Variants in CELF2 observed in about 807,000 individuals in gnomAD.
The protein encoded by CELF2 is CUGBP Elav-like family member 2, also known as CUG triplet repeat RNA-binding protein 2.
In CELF2, 8 loss-of-function variants were observed where a neutral mutation model predicts 62.6. That is an observed-to-expected ratio of 0.13 (90% CI 0.07 to 0.23). CELF2 has a LOEUF of 0.23. Among genes scored for constraint, CELF2 ranks in the 10% least tolerant of loss-of-function variants. The pLI, the probability that CELF2 is intolerant of heterozygous loss-of-function variation, is 1.00. For synonymous variants in CELF2, 258 were observed against 250.0 expected (o/e 1.03, Z -0.30); for missense variants, 333 against 671.0 (o/e 0.50, Z 5.56).
rs1019632187 is a variant in CELF2 at position 10,938,758 on chromosome 10, G to C, written c.89+18759G>C. On this transcript the variant is annotated intron_variant, in intron 2 of 13. Transcript: ENST00000636488. The surrounding 1 kb of genome is among the most constrained non-coding windows in gnomAD (Gnocchi z 4.2). ...GGAATGGGGGAGGTCAGCAAAGCCT[G>C]AGTGTAGGTGGGTTAGTGCCTGGAC... 3.9e-5 allele frequency among the ~76,000 whole-genome samples: 6 copies of C among 152,322 alleles called. No homozygotes were observed. The highest frequency in any genetic ancestry group is 1.4e-4 in the African/African-American group (6 of 41,576).
chr10:11,126,477 CAT>C (rs2058719986), intron 1 of CELF2, among the ~76,000 whole-genome samples: 1 of 152,096 alleles, frequency 6.6e-6, no homozygotes, highest in South Asian at 2.1e-4. Context: ...AGTATAGATA[CAT>C]ATATATGTGT....
chr10:10,747,592 G>A, the CELF2 span, among the ~76,000 whole-genome samples: 27 of 152,162 alleles, frequency 1.8e-4, no homozygotes, highest in African/African-American at 6.3e-4. Context: ...GACAGCCTCA[G>A]AGGATGCTCT....
the CELF2 span, among the ~76,000 whole-genome samples, chr10:10,697,993 A>T: frequency 6.6e-6 from 1 of 152,082 alleles, no homozygotes; most frequent in Non-Finnish European, 1.5e-5. Flanking sequence ...GGGTTTTACC[A>T]TGTTTGGCCA....
At position 11,328,957 on chromosome 10, in the gene CELF2, A is replaced by G; in HGVS notation, c.1470A>G (p.Ala490=). The G allele has an allele frequency of 6.2e-7, 1 of 1,613,298 alleles. No individual in the cohort carries two copies. Among genetic ancestry groups the G allele is most frequent in the Non-Finnish European group, 8.5e-7 (1 of 1,179,402 alleles). ...GFVSYDNPVS[A]QAAIQAMNGF... Reference sequence around the variant, plus strand: ...TTAGCTACGACAATCCAGTCTCTGCACAAGCTGCTATCCAAGCTATGAATG... The same window carrying G: ...TTAGCTACGACAATCCAGTCTCTGCGCAAGCTGCTATCCAAGCTATGAATG... Residue 490 remains alanine, a synonymous_variant, in exon 13 of 13, where the codon GCA becomes GCG. Transcript: ENST00000633077. This position sits in a 1 kb window ranked among gnomAD's most constrained non-coding sequence, Gnocchi z 6.4.
intron 2 of CELF2, among the ~76,000 whole-genome samples, chr10:10,933,820 A>T (rs2066350334): frequency 6.6e-6 from 1 of 152,226 alleles, no homozygotes; most frequent in Non-Finnish European, 1.5e-5. Flanking sequence ...TATATATACC[A>T]CATTTTCTTT....
Position 11,206,249 on chromosome 10 carries a change from C to G in CELF2, c.272-11176C>G, listed in dbSNP as rs147658738. On this transcript the variant is annotated intron_variant, in intron 2 of 12. Coordinates refer to ENST00000633077, the MANE Select transcript of CELF2 (RefSeq NM_001326342.2). ...GCAGTGAAGTGGAGACTTGAGAGAT[C>G]GGCCTGGCCTGGAAGCATCTAATAG... Among the ~76,000 whole-genome samples the G allele has an allele frequency of 1.0e-3, 158 of 152,258 alleles. 1 individual carries two copies. The Middle Eastern group carries it at 0.014, about 13-fold the overall frequency.
the CELF2 span, among the ~76,000 whole-genome samples, chr10:10,761,041 G>C: frequency 1.3e-5 from 2 of 152,106 alleles, no homozygotes; most frequent in Admixed American, 1.3e-4. Context: ...ATATGGTATT[G>C]TCCCATAGAC....
chr10:10,495,130 A>C, the CELF2 span, among the ~76,000 whole-genome samples: 1 of 152,022 alleles, frequency 6.6e-6, no homozygotes, highest in Non-Finnish European at 1.5e-5. Flanking sequence ...AAATGCAAAA[A>C]ATTAGCCAGG....
chr10:10,507,338 C>A, the CELF2 span, among the ~76,000 whole-genome samples: 1 of 152,154 alleles, frequency 6.6e-6, no homozygotes, highest in Admixed American at 6.5e-5. Context: ...TGTCCCCCAG[C>A]TTTTTGCTGA....
chr10:10,501,543 GC>G, the CELF2 span, among the ~76,000 whole-genome samples: 2 of 152,090 alleles, frequency 1.3e-5, no homozygotes, highest in African/African-American at 4.8e-5. Flanking sequence ...TATTTAAAGA[GC>G]TTTTTTAGCA....
chr10:10,540,740 A>G, the CELF2 span, among the ~76,000 whole-genome samples: 2 of 152,290 alleles, frequency 1.3e-5, no homozygotes, highest in East Asian at 3.9e-4. Context: ...TAATTAAAAC[A>G]TATAAGGCTA....
intron 8 of CELF2, among the ~76,000 whole-genome samples, chr10:11,279,205 T>G (rs1365223341): frequency 6.6e-6 from 1 of 152,238 alleles, no homozygotes; most frequent in Non-Finnish European, 1.5e-5. Flanking sequence ...GGGAGGAAAC[T>G]GCTTCGTTTC....
At chr10:11,303,580 C>T (rs150512547) in intron 9 of CELF2, among the ~76,000 whole-genome samples, 192 of 152,310 alleles carry the variant, frequency 1.3e-3, no homozygotes, top group African/African-American at 4.5e-3. Flanking sequence ...TGGATTGCCA[C>T]GCCCATCCGC....
chr10:10,976,858 C>T (rs920784754), intron 2 of CELF2, among the ~76,000 whole-genome samples: 10 of 152,190 alleles, frequency 6.6e-5, no homozygotes, highest in African/African-American at 2.2e-4. Flanking sequence ...GGGCATCTCT[C>T]TTGTCCCCTG....
At chr10:10,933,422 A>C (rs1338853879) in intron 2 of CELF2, among the ~76,000 whole-genome samples, 1 of 152,192 alleles carries the variant, frequency 6.6e-6, no homozygotes, top group African/African-American at 2.4e-5. Flanking sequence ...CATCTCATAC[A>C]ATTATCATTT....
rs1168016567 is a variant in CELF2, at chr10:11,046,745, G to A, written c.74+28582G>A. 6.6e-6 allele frequency among the ~76,000 whole-genome samples: 1 copy of A among 152,188 alleles called. No individual in the cohort carries two copies. Among genetic ancestry groups the A allele is most frequent in the Non-Finnish European group, 1.5e-5 (1 of 68,034 alleles). The stretch of plus-strand genomic sequence containing the variant: ...CCCAAAGAGTTTTTGTAAATCCCAT[G>A]TCTTTAATCTCATTTCGCTATTTCT... On this transcript the variant is annotated intron_variant, in intron 1 of 12. Coordinates refer to ENST00000633077, the MANE Select transcript of CELF2 (RefSeq NM_001326342.2). This position sits in a 1 kb window ranked among gnomAD's most constrained non-coding sequence, Gnocchi z 4.6.
the CELF2 span, among the ~76,000 whole-genome samples, chr10:10,761,853 C>A: frequency 6.6e-6 from 1 of 151,254 alleles, no homozygotes; most frequent in Non-Finnish European, 1.5e-5. Flanking sequence ...ACCTACAGAT[C>A]TGGGGACTTC....
chr10:10,653,428 C>G, the CELF2 span, among the ~76,000 whole-genome samples: 1 of 148,228 alleles, frequency 6.7e-6, no homozygotes, highest in African/African-American at 2.5e-5. Context: ...TTTTCAGCAC[C>G]ACACCACACC....
chr10:10,871,782 C>T (rs761643269), intron 1 of CELF2, among the ~76,000 whole-genome samples: 28 of 152,090 alleles, frequency 1.8e-4, no homozygotes, highest in East Asian at 1.9e-4. Flanking sequence ...TTCCAGGGAC[C>T]ACTGGGAGCT....
Sources: allele counts gnomAD v4.1 joint callset (sites outside exome capture counted in the v4.1 genomes callset), GRCh38; gene constraint gnomAD v4.1.1; non-coding constraint Gnocchi (gnomAD v3.1); transcripts MANE v1.5; gene names NCBI Gene and HGNC (gene_info 2026-07-23, HGNC 2026-07-21).